Variants in RELN observed in about 807,000 individuals in gnomAD.
RELN encodes the protein reelin.
RELN carries 108 observed loss-of-function variants against 427.6 expected under a neutral mutation model. The ratio of observed to expected loss-of-function variants is 0.25; its 90% CI spans 0.22 to 0.30. RELN has a LOEUF of 0.30. RELN is among the 10% of genes least tolerant of loss of function. The probability of loss-of-function intolerance (pLI) is 1.00; values close to 1 mark genes in which losing one functional copy is unlikely to be tolerated. For synonymous variants in RELN, 1,524 were observed against 1,513.4 expected (o/e 1.01, Z -0.16); for missense variants, 3,715 against 4,302.8 (o/e 0.86, Z 3.82).
At chr7:103,907,276 C>T (rs942364480) in intron 2 of RELN, among the ~76,000 whole-genome samples, 11 of 150,826 alleles carry the variant, frequency 7.3e-5, no homozygotes, top group African/African-American at 2.7e-4. Flanking sequence ...ATTAGCTGGG[C>T]ATGGTGGTGC....
intron 3 of RELN, among the ~76,000 whole-genome samples, chr7:103,785,688 T>G (rs1012164533): frequency 6.6e-6 from 1 of 152,118 alleles, no homozygotes; most frequent in African/African-American, 2.4e-5. Context: ...GTTGATCTTA[T>G]ATGAGTGTTA....
chr7:103,538,717 C>T (rs1830110698), intron 45 of RELN, among the ~76,000 whole-genome samples: 1 of 152,104 alleles, frequency 6.6e-6, no homozygotes, highest in Non-Finnish European at 1.5e-5. Context: ...CTGGCATTCT[C>T]TATGTGATGA....
intron 1 of RELN, among the ~76,000 whole-genome samples, chr7:103,941,201 T>C (rs1307456557): frequency 6.6e-6 from 1 of 152,160 alleles, no homozygotes; most frequent in Non-Finnish European, 1.5e-5. Flanking sequence ...TTGGGAGAGT[T>C]TTAACACATC....
At chr7:103,825,848 T>C (rs558473188) in intron 3 of RELN, among the ~76,000 whole-genome samples, 33 of 152,222 alleles carry the variant, frequency 2.2e-4, no homozygotes, top group Non-Finnish European at 3.7e-4. Flanking sequence ...TTAGAAAGTA[T>C]GGTTCTAAAC....
intron 8 of RELN, among the ~76,000 whole-genome samples, chr7:103,718,447 AT>A (rs1789996945): frequency 6.6e-6 from 1 of 152,188 alleles, no homozygotes; most frequent in Admixed American, 6.6e-5. Flanking sequence ...TGAACAAATA[AT>A]AGATTCTAGT....
At chr7:103,897,392 T>C (rs1380742927) in intron 2 of RELN, among the ~76,000 whole-genome samples, 1 of 152,076 alleles carries the variant, frequency 6.6e-6, no homozygotes, top group African/African-American at 2.4e-5. Flanking sequence ...CTACTGCTTG[T>C]GTGTTCGTCT....
At chr7:103,677,280 A>C (rs1833552195) in intron 11 of RELN, among the ~76,000 whole-genome samples, 1 of 149,618 alleles carries the variant, frequency 6.7e-6, no homozygotes, top group Non-Finnish European at 1.5e-5. Flanking sequence ...GGACTAGGGG[A>C]GGGATAACAT....
At chr7:103,526,906 A>T (rs1829834094) in intron 46 of RELN, among the ~76,000 whole-genome samples, 1 of 152,170 alleles carries the variant, frequency 6.6e-6, no homozygotes. Context: ...GTTGGGGGAA[A>T]AATGGTCCCA....
intron 2 of RELN, among the ~76,000 whole-genome samples, chr7:103,837,602 A>G (rs1223264504): frequency 6.6e-6 from 1 of 152,194 alleles, no homozygotes; most frequent in Non-Finnish European, 1.5e-5. Context: ...GAAATCACTT[A>G]CTATGCTAGG....
chr7:103,636,125 TA>T (rs1832574248), intron 18 of RELN, 109 bp downstream of exon 18: 2 of 826,066 alleles, frequency 2.4e-6, no homozygotes, highest in African/African-American at 1.7e-5. Context: ...CAACCCTAGT[TA>T]AAAATGAGAT....
intron 1 of RELN, among the ~76,000 whole-genome samples, chr7:103,924,991 T>TACACACACACACACACAC (rs57662220): frequency 2.0e-5 from 1 of 49,050 alleles, no homozygotes; most frequent in African/African-American, 5.9e-5. Flanking sequence ...CGCATACACA[T>TACACACACACACACACAC]ACACACACAC....
chr7:103,561,633 C>T lies in RELN; in HGVS notation c.5428G>A (p.Gly1810Arg), dbSNP rs1830643720. ...LPSILKDDFN[G>R]NLHPDLWPEV... ...GGCCAAAGGTCAGGATGTAAATTCC[C>T]ATTGAAATCGTCTTTAAGAATCGAG... is the stretch of plus-strand genomic sequence containing the variant. Residue 1810 changes from glycine to arginine, a missense_variant, in exon 36 of 65, where the codon GGG becomes AGG. Physicochemically the swap from Gly to Arg is moderately radical, Grantham distance 125. Transcript: ENST00000428762. The T allele has an allele frequency of 6.2e-7, 1 of 1,613,822 alleles. No individual in the cohort carries two copies. Among genetic ancestry groups the T allele is most frequent in the Admixed American group, 1.7e-5 (1 of 59,972 alleles).
intron 53 of RELN, among the ~76,000 whole-genome samples, chr7:103,499,968 TTTTA>T (rs1326099876): frequency 6.6e-6 from 1 of 152,208 alleles, no homozygotes; most frequent in Non-Finnish European, 1.5e-5. Context: ...ATTGTTCCAA[TTTTA>T]TTTAAAAAAT....
chr7:103,659,442 C>T (rs981047103), intron 12 of RELN, among the ~76,000 whole-genome samples: 19 of 152,242 alleles, frequency 1.2e-4, no homozygotes, highest in South Asian at 2.1e-4. Flanking sequence ...TTCCATCTTA[C>T]GTGCTTCCAC....
chr7:103,888,905 C>T (rs1794783492), intron 2 of RELN, among the ~76,000 whole-genome samples: 1 of 152,186 alleles, frequency 6.6e-6, no homozygotes, highest in African/African-American at 2.4e-5. Context: ...TGCTGACCCA[C>T]ACTTATCATC....
chr7:103,754,821 A>G (rs1007436016), intron 4 of RELN, among the ~76,000 whole-genome samples: 3 of 152,312 alleles, frequency 2.0e-5, no homozygotes, highest in South Asian at 2.1e-4. Flanking sequence ...AGTCAAATAT[A>G]TATTTAACGG....
At chr7:103,949,898 T>C (rs1490787357) in intron 1 of RELN, among the ~76,000 whole-genome samples, 1 of 152,218 alleles carries the variant, frequency 6.6e-6, no homozygotes, top group Non-Finnish European at 1.5e-5. Context: ...TATATTTCTG[T>C]GTCAAAATGC....
chr7:103,922,100 G>A (rs1795628569), intron 1 of RELN, among the ~76,000 whole-genome samples: 1 of 152,096 alleles, frequency 6.6e-6, no homozygotes, highest in Non-Finnish European at 1.5e-5. Context: ...ATAAAATTGA[G>A]AGTGTAATGT....
chr7:103,982,510 T>C (rs562019180), intron 1 of RELN, among the ~76,000 whole-genome samples: 42 of 151,170 alleles, frequency 2.8e-4, no homozygotes, highest in African/African-American at 9.2e-4. Flanking sequence ...GGGAAGAAAG[T>C]GAAAGAATTT....
Sources: gnomAD v4.1 joint callset for allele counts (sites outside exome capture counted in the v4.1 genomes callset) on GRCh38, gnomAD v4.1.1 for gene constraint, MANE v1.5 for transcripts, NCBI Gene and HGNC (gene_info 2026-07-23, HGNC 2026-07-21) for gene names.